TCF12: variants seen among roughly 807,000 people sequenced by gnomAD.
TCF12 encodes the protein DNA-binding protein HTF4.
Under a neutral mutation model 86.0 loss-of-function variants are expected in TCF12, and 45 were observed. The ratio of observed to expected loss-of-function variants is 0.52; its 90% CI spans 0.41 to 0.67. The LOEUF (loss-of-function observed/expected upper bound fraction) is 0.67. Ranked by LOEUF, TCF12 falls within the 30% of genes least tolerant of loss-of-function variation. The probability of loss-of-function intolerance (pLI) is 0.00; values close to 1 mark genes in which losing one functional copy is unlikely to be tolerated. For missense variants in TCF12, 881 were observed against 859.9 expected (o/e 1.02, Z -0.31); for synonymous variants, 330 against 299.6 (o/e 1.10, Z -1.05).
intron 12 of TCF12, among the ~76,000 whole-genome samples, chr15:57,238,967 G>A (rs1410883828): frequency 1.3e-5 from 2 of 152,224 alleles, no homozygotes; most frequent in Non-Finnish European, 2.9e-5. Context: ...TTCCATCTGG[G>A]AGAGGTTAAG....
chr15:56,986,439 G>C (rs1429834679), intron 3 of TCF12, among the ~76,000 whole-genome samples: 3 of 136,822 alleles, frequency 2.2e-5, no homozygotes, highest in Non-Finnish European at 5.1e-5. Flanking sequence ...AGGAAATGTT[G>C]ATTAAGTAGT....
chr15:56,984,887 A>C (rs1207470172), intron 3 of TCF12, among the ~76,000 whole-genome samples: 2 of 152,224 alleles, frequency 1.3e-5, no homozygotes, highest in African/African-American at 4.8e-5. Context: ...TTGTTTGTTA[A>C]GAACCTTTGT....
rs1398314627 is a variant in TCF12, at chr15:57,180,284, C to G, written c.391-11874C>G. ...TGGGGTGAGAGACTTCTTTATCATT[C>G]TTGGGTTACTCTGTCATAATCTCTG... is the stretch of plus-strand genomic sequence containing the variant. On this transcript the variant is annotated intron_variant, in intron 6 of 20. Transcript: ENST00000333725. 3.3e-5 allele frequency among the ~76,000 whole-genome samples: 5 copies of G among 152,202 alleles called. No individual in the cohort carries two copies. In the East Asian group the frequency reaches 9.6e-4, roughly 29 times the overall value.
At chr15:56,946,582 G>A (rs1034340361) in intron 3 of TCF12, among the ~76,000 whole-genome samples, 1 of 151,906 alleles carries the variant, frequency 6.6e-6, no homozygotes, top group Admixed American at 6.6e-5. Flanking sequence ...TTTTTCTTCT[G>A]GTTATGGGTC....
chr15:57,265,935 C>T (rs921846069), intron 18 of TCF12, among the ~76,000 whole-genome samples: 1 of 152,088 alleles, frequency 6.6e-6, no homozygotes, highest in South Asian at 2.1e-4. Context: ...AGACCACTGT[C>T]ATGTATGTAG....
At chr15:57,223,751 TAAAAG>T (rs2058738208) in intron 8 of TCF12, among the ~76,000 whole-genome samples, 2 of 146,020 alleles carry the variant, frequency 1.4e-5, no homozygotes, top group Admixed American at 1.4e-4. Context: ...TTTCAGTTAA[TAAAAG>T]AACAGAAACC....
intron 3 of TCF12, among the ~76,000 whole-genome samples, chr15:56,930,405 C>A (rs571691606): frequency 6.6e-6 from 1 of 152,212 alleles, no homozygotes; most frequent in Non-Finnish European, 1.5e-5. Flanking sequence ...AGTTCTCCTG[C>A]AGGATCCTTT....
chr15:56,957,218 T>C (rs1325743314), intron 3 of TCF12, among the ~76,000 whole-genome samples: 1 of 152,214 alleles, frequency 6.6e-6, no homozygotes. Flanking sequence ...TTACCCAGTC[T>C]TTGGTATTGC....
Position 57,273,251 on chromosome 15 carries a change from A to G in TCF12, c.1967A>G (p.Gln656Arg), listed in dbSNP as rs770368045. The change falls in exon 19 of 21, where the codon CAG (glutamine) becomes CGG (arginine). Residue 656 changes from glutamine (Q) to arginine (R), a missense_variant. Around this residue, in one of 3 missense-constraint regions of TCF12, gnomAD observed 69 missense variants for 64.2 expected, o/e 1.07. Transcript: ENST00000333725. Reference sequence around the variant, plus strand: ...GTGGCAGTCATCCTTAGTCTAGAACAGCAAGTCAGAGGTAAGTAGGTTCAG... The same window carrying G: ...GTGGCAGTCATCCTTAGTCTAGAACGGCAAGTCAGAGGTAAGTAGGTTCAG... ...QAVAVILSLEQQVRERNLNPK... is the reference protein window; with the variant it reads ...QAVAVILSLERQVRERNLNPK... The G allele has an allele frequency of 1.2e-6, 2 of 1,614,146 alleles. No individual in the cohort carries two copies. The highest frequency in any genetic ancestry group is 1.7e-6 in the Non-Finnish European group (2 of 1,179,996).
chr15:57,002,713 C>T (rs1276520588), intron 3 of TCF12, among the ~76,000 whole-genome samples: 8 of 152,148 alleles, frequency 5.3e-5, no homozygotes, highest in Non-Finnish European at 1.0e-4. Flanking sequence ...TCAATCGAAA[C>T]GGAGACTTAG....
intron 3 of TCF12, among the ~76,000 whole-genome samples, chr15:56,994,679 A>G (rs201207872): frequency 6.6e-6 from 1 of 152,160 alleles, no homozygotes; most frequent in East Asian, 1.9e-4. Context: ...CAATTTGTTC[A>G]GTACTGAAAG....
intron 3 of TCF12, among the ~76,000 whole-genome samples, chr15:57,053,813 A>G (rs1427415858): frequency 3.3e-5 from 5 of 152,144 alleles, no homozygotes; most frequent in Admixed American, 6.5e-5. Context: ...ATAGAGATCA[A>G]AGAAATGAAG....
intron 4 of TCF12, among the ~76,000 whole-genome samples, chr15:57,064,108 A>T (rs573477473): frequency 1.3e-5 from 2 of 152,290 alleles, no homozygotes; most frequent in East Asian, 3.9e-4. Context: ...ATATGTATTT[A>T]GCCATTTTTC....
intron 8 of TCF12, among the ~76,000 whole-genome samples, chr15:57,205,881 A>G (rs1288661024): frequency 6.6e-6 from 1 of 152,212 alleles, no homozygotes; most frequent in Non-Finnish European, 1.5e-5. Context: ...AAAAGTAACC[A>G]GTGAGTGAGT....
At chr15:56,922,993 T>C (rs956010398) in intron 3 of TCF12, among the ~76,000 whole-genome samples, 4 of 152,072 alleles carry the variant, frequency 2.6e-5, no homozygotes, top group Admixed American at 2.0e-4. Flanking sequence ...TAATACACTC[T>C]AATGCCTATG....
intron 4 of TCF12, among the ~76,000 whole-genome samples, chr15:57,080,498 C>G (rs1348108285): frequency 6.6e-6 from 1 of 152,114 alleles, no homozygotes; most frequent in African/African-American, 2.4e-5. Context: ...ATAGGTCTGT[C>G]TCTTAACAAG....
At chr15:57,104,851 C>G (rs1390062835) in intron 5 of TCF12, among the ~76,000 whole-genome samples, 4 of 124,468 alleles carry the variant, frequency 3.2e-5, no homozygotes, top group Admixed American at 8.4e-5. Flanking sequence ...TCTTGCTGGT[C>G]TTTGGTGGTG....
At chr15:57,160,898 C>G (rs2054461548) in intron 5 of TCF12, among the ~76,000 whole-genome samples, 1 of 151,910 alleles carries the variant, frequency 6.6e-6, no homozygotes, top group Non-Finnish European at 1.5e-5. Context: ...CTATGTTGCC[C>G]AGGCTGGTCT....
intron 5 of TCF12, among the ~76,000 whole-genome samples, chr15:57,113,932 G>C (rs1212869056): frequency 6.6e-6 from 1 of 151,898 alleles, no homozygotes; most frequent in Non-Finnish European, 1.5e-5. Context: ...GTTCAGCCTG[G>C]GTGACAGAGT....
Sources: allele counts gnomAD v4.1 joint callset (sites outside exome capture counted in the v4.1 genomes callset), GRCh38; gene constraint gnomAD v4.1.1; regional missense constraint gnomAD v4.1.1; transcripts MANE v1.5; gene names NCBI Gene and HGNC (gene_info 2026-07-23, HGNC 2026-07-21).